PCDHA8: variants seen among roughly 807,000 people sequenced by gnomAD.
The protein encoded by PCDHA8 is protocadherin alpha 8.
A neutral mutation model predicts 61.8 loss-of-function variants in PCDHA8; 53 were observed. That is an observed-to-expected ratio of 0.86 (90% CI 0.69 to 1.08). The LOEUF is 1.08. Among genes scored for constraint, PCDHA8 ranks in the 50% least tolerant of loss-of-function variants. The probability of loss-of-function intolerance (pLI) is 0.00; values close to 1 mark genes in which losing one functional copy is unlikely to be tolerated. For synonymous variants in PCDHA8, 618 were observed against 556.6 expected, an observed-to-expected ratio of 1.11 and a Z score of -1.55; for missense variants, 1,293 against 1,245.0, an observed-to-expected ratio of 1.04 and a Z score of -0.58.
intron 1 of PCDHA8, among the ~76,000 whole-genome samples, chr5:140,916,482 G>C (rs2077584456): frequency 6.6e-6 from 1 of 152,194 alleles, no homozygotes; most frequent in African/African-American, 2.4e-5. Context: ...GTGCCCAAGG[G>C]CTCTTTAGTC....
chr5:140,875,505 C>T, intron 1 of PCDHA8: 6 of 1,613,560 alleles, frequency 3.7e-6, no homozygotes, highest in Non-Finnish European at 5.1e-6. Context: ...GCCCGGGATC[C>T]CAGCGTCTGC....
At chr5:140,878,516 G>A (rs2057626740) in intron 1 of PCDHA8, among the ~76,000 whole-genome samples, 1 of 152,122 alleles carries the variant, frequency 6.6e-6, no homozygotes. Context: ...CAGTACAGTT[G>A]GTAACCAACT....
At chr5:140,989,413 T>G (rs1234033175) in intron 3 of PCDHA8, among the ~76,000 whole-genome samples, 3 of 152,172 alleles carry the variant, frequency 2.0e-5, no homozygotes, top group Non-Finnish European at 4.4e-5. Context: ...GAGTCTGCAC[T>G]TCACTCTGTG....
Position 140,850,095 on chromosome 5 carries a change from C to G in PCDHA8, c.2394+6380C>G, listed in dbSNP as rs139719626. The G allele has an allele frequency of 2.5e-3, 3,966 of 1,596,304 alleles. 379 individuals carry two copies. Among genetic ancestry groups the G allele is most frequent in the Non-Finnish European group, 3.1e-3 (3,638 of 1,167,768 alleles). On this transcript the variant is annotated intron_variant, in intron 1 of 3. Transcript: ENST00000531613. Reference sequence around the variant, plus strand: ...CGAGGAGCTGGAGCTGCTACAGTTCCAGGTGAGCGCGCGCGACGCGGGCGT... The same window carrying G: ...CGAGGAGCTGGAGCTGCTACAGTTCGAGGTGAGCGCGCGCGACGCGGGCGT...
chr5:140,882,708 C>T, intron 1 of PCDHA8: 2 of 1,614,174 alleles, frequency 1.2e-6, no homozygotes, highest in Non-Finnish European at 1.7e-6. Flanking sequence ...GAATCTAGAC[C>T]TCCGGAAACT....
chr5:140,871,011 G>C, intron 1 of PCDHA8: 1 of 1,613,324 alleles, frequency 6.2e-7, no homozygotes, highest in Non-Finnish European at 8.5e-7. Context: ...CGCGTGCCCT[G>C]GACGAGGCAG....
At chr5:140,848,511 C>T in intron 1 of PCDHA8, 1 of 1,589,730 alleles carries the variant, frequency 6.3e-7, no homozygotes, top group Non-Finnish European at 8.6e-7. Context: ...ATACTCAAGT[C>T]GAGGAGATCC....
chr5:140,870,155 T>C (rs1554163855), intron 1 of PCDHA8: 4 of 1,614,014 alleles, frequency 2.5e-6, no homozygotes, highest in Non-Finnish European at 3.4e-6. Flanking sequence ...GAAGTCGCCG[T>C]GACTTCCTTG....
At chr5:140,869,615 G>T in intron 1 of PCDHA8, 2 of 1,613,858 alleles carry the variant, frequency 1.2e-6, no homozygotes, top group Non-Finnish European at 1.7e-6. Flanking sequence ...TTGACCTACA[G>T]GCTAAGTAAA....
At chr5:140,888,286 C>A (rs1277980750) in intron 1 of PCDHA8, among the ~76,000 whole-genome samples, 7 of 152,080 alleles carry the variant, frequency 4.6e-5, no homozygotes, top group African/African-American at 1.7e-4. Context: ...TCCCCTCTAC[C>A]CCCTACCCAG....
chr5:140,976,982 T>G (rs1348911349), intron 1 of PCDHA8, among the ~76,000 whole-genome samples: 1 of 152,240 alleles, frequency 6.6e-6, no homozygotes, highest in African/African-American at 2.4e-5. Flanking sequence ...CTGCCTGATC[T>G]TACTGCCATA....
intron 1 of PCDHA8, chr5:140,927,044 C>T (rs1337649079): frequency 6.2e-7 from 1 of 1,612,210 alleles, no homozygotes; most frequent in Non-Finnish European, 8.5e-7. Flanking sequence ...GCCGCTATGT[C>T]CTCGCGGAAC....
intron 1 of PCDHA8, among the ~76,000 whole-genome samples, chr5:140,941,191 T>TTTTC (rs1217097209): frequency 2.1e-5 from 2 of 93,206 alleles, no homozygotes; most frequent in African/African-American, 7.9e-5. Flanking sequence ...GCTTCTTTTT[T>TTTTC]TTTCTTTCTT....
At chr5:140,934,561 TTTAA>T (rs549996624) in intron 1 of PCDHA8, among the ~76,000 whole-genome samples, 1 of 152,208 alleles carries the variant, frequency 6.6e-6, no homozygotes, top group South Asian at 2.1e-4. Flanking sequence ...TCTTCTTTTT[TTTAA>T]TTAATTGTAA....
At chr5:140,857,588 G>A (rs2044704730) in intron 1 of PCDHA8, 2 of 1,596,484 alleles carry the variant, frequency 1.3e-6, no homozygotes, top group African/African-American at 1.3e-5. Flanking sequence ...CGCGGAGAGC[G>A]GCAAGGTGTA....
At chr5:140,844,694 T>C (rs2150373280) in intron 1 of PCDHA8, among the ~76,000 whole-genome samples, 1 of 149,782 alleles carries the variant, frequency 6.7e-6, no homozygotes, top group Admixed American at 6.7e-5. Context: ...ATACAGAATA[T>C]TTGGGATTAT....
chr5:140,951,659 C>A (rs1293655737), intron 1 of PCDHA8, among the ~76,000 whole-genome samples: 1 of 152,164 alleles, frequency 6.6e-6, no homozygotes, highest in Non-Finnish European at 1.5e-5. Context: ...CCCACCAGGG[C>A]CTGCCTACAA....
chr5:140,973,574 C>T (rs1485415780), intron 1 of PCDHA8, among the ~76,000 whole-genome samples: 1 of 152,218 alleles, frequency 6.6e-6, no homozygotes, highest in African/African-American at 2.4e-5. Flanking sequence ...AATTTTTCTA[C>T]AGACTGCTGA....
At chr5:140,932,375 G>A (rs192897336) in intron 1 of PCDHA8, among the ~76,000 whole-genome samples, 31 of 151,942 alleles carry the variant, frequency 2.0e-4, no homozygotes, top group Non-Finnish European at 3.0e-5. Context: ...ATTTCCACAT[G>A]AAAGTTATAC....
Sources: allele counts gnomAD v4.1 joint callset (sites outside exome capture counted in the v4.1 genomes callset), GRCh38; gene constraint gnomAD v4.1.1; transcripts MANE v1.5; gene names NCBI Gene and HGNC (gene_info 2026-07-23, HGNC 2026-07-21).